Variants in EPHB1 observed in about 807,000 individuals in gnomAD.
EPHB1 encodes the protein ephrin type-B receptor 1.
EPHB1 carries 30 observed loss-of-function variants against 94.4 expected under a neutral mutation model. That is an observed-to-expected ratio of 0.32 (90% CI 0.24 to 0.43). The LOEUF (loss-of-function observed/expected upper bound fraction) is 0.43. Ranked by LOEUF, EPHB1 falls within the 20% of genes least tolerant of loss-of-function variation. The probability of loss-of-function intolerance (pLI) is 1.00; values close to 1 mark genes in which losing one functional copy is unlikely to be tolerated. For missense variants in EPHB1, 1,055 were observed against 1,308.3 expected, an observed-to-expected ratio of 0.81 and a Z score of 2.99; for synonymous variants, 522 against 489.1, an observed-to-expected ratio of 1.07 and a Z score of -0.89.
At chr3:134,893,112 C>T (rs80284957) in intron 1 of EPHB1, among the ~76,000 whole-genome samples, 5,984 of 152,276 alleles carry the variant, frequency 0.039, 372 homozygotes, top group African/African-American at 0.14. Context: ...ATCCCCAGTA[C>T]GGTCCACCTC....
rs772387931 is a variant in EPHB1, at chr3:135,154,186, T to C, written c.1332T>C (p.Ser444=). ...PSTVPIMHQV[S]ATMRSITLSW... ...CCGTTCCCATCATGCACCAAGTCAG[T>C]GCCACTATGAGGAGCATCACCTTGT... is the stretch of plus-strand genomic sequence containing the variant. The change falls in exon 6 of 16, where the codon AGT becomes AGC. Residue 444 remains serine, a synonymous_variant. Transcript: ENST00000398015. 3.1e-6 allele frequency: 5 copies of C among 1,613,888 alleles called. No homozygotes were observed. The highest frequency in any genetic ancestry group is 4.2e-6 in the Non-Finnish European group (5 of 1,179,896).
chr3:135,216,291 A>G (rs1335244207), intron 12 of EPHB1, among the ~76,000 whole-genome samples: 3 of 151,762 alleles, frequency 2.0e-5, no homozygotes, highest in East Asian at 1.9e-4. Context: ...CCCCATAACA[A>G]CCCATTTCCC....
chr3:134,936,694 A>G (rs1393545077), intron 2 of EPHB1, among the ~76,000 whole-genome samples: 1 of 152,258 alleles, frequency 6.6e-6, no homozygotes, highest in Non-Finnish European at 1.5e-5. Context: ...TGGTGGAGAC[A>G]GGCATGTCCA....
At chr3:134,947,752 A>G (rs1282647015) in intron 2 of EPHB1, among the ~76,000 whole-genome samples, 1 of 152,194 alleles carries the variant, frequency 6.6e-6, no homozygotes, top group Non-Finnish European at 1.5e-5. Flanking sequence ...AATTTTCTCA[A>G]TATCTCAGCT....
At chr3:134,894,344 C>G (rs2038046191) in intron 1 of EPHB1, among the ~76,000 whole-genome samples, 1 of 152,158 alleles carries the variant, frequency 6.6e-6, no homozygotes, top group Admixed American at 6.5e-5. Flanking sequence ...TCTCTTGGGC[C>G]TCAGTTTTCT....
Position 135,189,935 on chromosome 3 carries a change from A to T in EPHB1, c.1883-2641A>T, listed in dbSNP as rs576982897. Among the ~76,000 whole-genome samples the T allele has an allele frequency of 2.0e-5, 3 of 152,330 alleles. No homozygotes were observed. The East Asian group carries it at 5.8e-4, about 29-fold the overall frequency. ...TTCTTTTGTTCTCACATGGATATTG[A>T]GTTGCTATGACAGTCACTATATATG... On this transcript the variant is annotated intron_variant, in intron 10 of 15. Transcript: ENST00000398015.
chr3:135,097,569 C>T (rs1938850353), intron 3 of EPHB1, among the ~76,000 whole-genome samples: 1 of 152,186 alleles, frequency 6.6e-6, no homozygotes, highest in Non-Finnish European at 1.5e-5. Context: ...TTAACAACTT[C>T]CATGCGGATG....
intron 3 of EPHB1, among the ~76,000 whole-genome samples, chr3:135,073,602 T>C (rs1315791850): frequency 6.6e-6 from 1 of 152,228 alleles, no homozygotes; most frequent in Non-Finnish European, 1.5e-5. Flanking sequence ...AAATTTATAA[T>C]AATCTCTGAA....
At chr3:134,799,489 C>T (rs2108281749) in intron 1 of EPHB1, among the ~76,000 whole-genome samples, 1 of 152,338 alleles carries the variant, frequency 6.6e-6, no homozygotes, top group African/African-American at 2.4e-5. Flanking sequence ...GTGGAGCTGC[C>T]TCCTCAAGCC....
chr3:134,798,228 C>T (rs2035867928), intron 1 of EPHB1, among the ~76,000 whole-genome samples: 1 of 152,122 alleles, frequency 6.6e-6, no homozygotes, highest in African/African-American at 2.4e-5. Context: ...CCAGGCGGGC[C>T]CTCAGCCCAG....
At chr3:134,917,693 A>G (rs1560295854) in intron 1 of EPHB1, among the ~76,000 whole-genome samples, 1 of 152,218 alleles carries the variant, frequency 6.6e-6, no homozygotes, top group South Asian at 2.1e-4. Context: ...GACTCATTCA[A>G]TCAGTCAGTC....
chr3:135,118,926 C>T (rs1385023942), intron 4 of EPHB1, among the ~76,000 whole-genome samples: 1 of 152,180 alleles, frequency 6.6e-6, no homozygotes, highest in East Asian at 1.9e-4. Context: ...AATTGCTGGG[C>T]TACGGGGTGC....
Position 135,249,319 on chromosome 3 carries a change from C to T in EPHB1, c.2691-17C>T, listed in dbSNP as rs764216585. 8.1e-6 allele frequency: 13 copies of T among 1,603,130 alleles called. No individual in the cohort carries two copies. Among genetic ancestry groups the T allele is most frequent in the Non-Finnish European group, 1.1e-5 (13 of 1,175,308 alleles). On this transcript the variant is annotated splice_polypyrimidine_tract_variant and intron_variant, in intron 14 of 15. Coordinates refer to ENST00000398015, the MANE Select transcript of EPHB1 (RefSeq NM_004441.5). ...TCTCTGCAATGTGTGGTCACCTGCC[C>T]ATCTCTGTCTCACCAGGCCTTCCCA...
chr3:134,823,850 A>G, intron 1 of EPHB1: 1 of 152,242 alleles, frequency 6.6e-6, no homozygotes, highest in East Asian at 1.9e-4. Context: ...GATGTCACAG[A>G]TGCCTGCAAC....
At chr3:135,194,245 A>C (rs1461039976) in intron 11 of EPHB1, among the ~76,000 whole-genome samples, 2 of 152,210 alleles carry the variant, frequency 1.3e-5, no homozygotes, top group Non-Finnish European at 2.9e-5. Context: ...TGTTGTGTTC[A>C]TCTTAGACAG....
chr3:134,979,626 T>C (rs905529606), intron 3 of EPHB1, among the ~76,000 whole-genome samples: 1 of 151,956 alleles, frequency 6.6e-6, no homozygotes, highest in African/African-American at 2.4e-5. Context: ...CAACTTATGA[T>C]TTTTCAACTT....
chr3:135,126,716 T>A (rs1940223783), intron 4 of EPHB1, among the ~76,000 whole-genome samples: 1 of 152,182 alleles, frequency 6.6e-6, no homozygotes, highest in Non-Finnish European at 1.5e-5. Flanking sequence ...TTTGCACTGG[T>A]CATGTCTTTT....
At chr3:134,932,968 T>C (rs2107705692) in intron 2 of EPHB1, among the ~76,000 whole-genome samples, 1 of 152,330 alleles carries the variant, frequency 6.6e-6, no homozygotes, top group South Asian at 2.1e-4. Flanking sequence ...TGATCGCGGA[T>C]TGCTGGAAGC....
At chr3:135,182,279 CT>C (rs1294463161) in intron 10 of EPHB1, among the ~76,000 whole-genome samples, 1 of 152,174 alleles carries the variant, frequency 6.6e-6, no homozygotes, top group East Asian at 1.9e-4. Context: ...GGCAATGTTT[CT>C]CTTAGCCACT....
Sources: gnomAD v4.1 joint callset for allele counts (sites outside exome capture counted in the v4.1 genomes callset) on GRCh38, gnomAD v4.1.1 for gene constraint, MANE v1.5 for transcripts, NCBI Gene and HGNC (gene_info 2026-07-23, HGNC 2026-07-21) for gene names.